Variants in EDC4 observed in about 807,000 individuals in gnomAD.
EDC4 encodes the protein enhancer of mRNA-decapping protein 4.
Under a neutral mutation model 155.8 loss-of-function variants are expected in EDC4, and 64 were observed. That is an observed-to-expected ratio of 0.41 (90% confidence interval 0.34 to 0.51). The LOEUF is 0.51. Among genes scored for constraint, EDC4 ranks in the 20% least tolerant of loss-of-function variants. The pLI is 0.19. For missense variants in EDC4, 1,303 were observed against 1,812.5 expected, an observed-to-expected ratio of 0.72 and a Z score of 5.10; for synonymous variants, 684 against 716.8, an observed-to-expected ratio of 0.95 and a Z score of 0.73.
Position 67,876,930 on chromosome 16 carries a change from C to T in EDC4, c.409C>T (p.Leu137=). 1 of 1,614,246 alleles carries T rather than the reference C, an allele frequency of 6.2e-7. No individual in the cohort carries two copies. The highest frequency in any genetic ancestry group is 1.1e-5 in the South Asian group (1 of 91,092). ...DWEQKYYYGN[L]IAVSNSFLAY... is the part of the protein sequence containing the mutation. The stretch of plus-strand genomic sequence containing the variant: ...GGAACAGAAGTACTACTATGGCAAC[C>T]TGATTGCTGTGTCTAACTCCTTCTT... The change falls in exon 4 of 29, where the codon CTG becomes TTG. Residue 137 remains leucine (L), a synonymous_variant. Transcript: ENST00000358933. This position sits in a 1 kb window ranked among gnomAD's most constrained non-coding sequence, Gnocchi z 5.8.
In EDC4 at chr16:67,883,226, G is replaced by T. The variant is rs1366930383; in HGVS notation, c.3849+49G>T. On this transcript the variant is annotated intron_variant, in intron 27 of 28. Coordinates refer to ENST00000358933, the MANE Select transcript of EDC4 (RefSeq NM_014329.5). This position sits in a 1 kb window ranked among gnomAD's most constrained non-coding sequence, Gnocchi z 5.3. Reference sequence around the variant, plus strand: ...TAAGGGTCACGTGTCTCTTGACAAGGCCCACATACCATACATTCTACTCCA... The same window carrying T: ...TAAGGGTCACGTGTCTCTTGACAAGTCCCACATACCATACATTCTACTCCA... 6.6e-7 allele frequency: 1 copy of T among 1,509,394 alleles called. No homozygotes were observed. The highest frequency in any genetic ancestry group is 2.0e-5 in the Admixed American group (1 of 49,570). The allele number at this position is 1,509,394 out of a possible 1,614,324, so 93.5% of individuals were successfully genotyped here.
chr16:67,878,391 C>T lies in EDC4; in HGVS notation c.1036C>T (p.Arg346Trp), dbSNP rs546531673. 12 of 1,614,184 alleles carry T rather than the reference C, an allele frequency of 7.4e-6. No individual in the cohort carries two copies. Among genetic ancestry groups the T allele is most frequent in the South Asian group, 4.4e-5 (4 of 91,086 alleles). Residue 346 changes from arginine (R) to tryptophan (W), a missense_variant, in exon 9 of 29, where the codon CGG (arginine) becomes TGG (tryptophan). Around this residue, in one of 5 missense-constraint regions of EDC4, gnomAD observed 235 missense variants for 367.7 expected, o/e 0.64. Transcript: ENST00000358933. The surrounding 1 kb of genome is among the most constrained non-coding windows in gnomAD (Gnocchi z 5.2). Reference sequence around the variant, plus strand: ...GCACGAGTGGAAACCTCATGATGGGCGGCCCCTCTCCTGCCTCCTGTTCTG... The same window carrying T: ...GCACGAGTGGAAACCTCATGATGGGTGGCCCCTCTCCTGCCTCCTGTTCTG... ...CLHEWKPHDGRPLSCLLFCDN... is the reference protein window; with the variant it reads ...CLHEWKPHDGWPLSCLLFCDN...
chr16:67,873,079 G>A lies in EDC4; in HGVS notation c.-183G>A. ...CCTCGGCTCGTGGGTGCCGGAAGTG[G>A]AGGCGGTTGGTGGGGTTGGCGGGGC... On this transcript the variant is annotated 5_prime_UTR_variant, in exon 1 of 29. Transcript: ENST00000358933. The A allele has an allele frequency of 4.6e-6, 2 of 438,620 alleles. No homozygotes were observed. The highest frequency in any genetic ancestry group is 5.6e-5 in the South Asian group (1 of 18,002). 27.2% of individuals were successfully genotyped at this position (438,620 alleles called of 1,614,324 possible).
chr16:67,882,192 A>C lies in EDC4; in HGVS notation c.3161-20A>C, dbSNP rs1598178626. 1 of 1,613,256 alleles carries C rather than the reference A, an allele frequency of 6.2e-7. No homozygotes were observed. The highest frequency in any genetic ancestry group is 1.1e-5 in the South Asian group (1 of 90,988). On this transcript the variant is annotated intron_variant, in intron 23 of 28. Transcript: ENST00000358933. This position sits in a 1 kb window ranked among gnomAD's most constrained non-coding sequence, Gnocchi z 7.2. The stretch of plus-strand genomic sequence containing the variant: ...AAGCTTCTTCTCATGGCTCCACCTC[A>C]CCCTCTTCCCCTCTCCCAGGTGTCT...
chr16:67,881,724 G>A lies in EDC4; in HGVS notation c.2883G>A (p.Leu961=). 2 of 1,614,122 alleles carry A rather than the reference G, an allele frequency of 1.2e-6. No homozygotes were observed. The highest frequency in any genetic ancestry group is 1.7e-6 in the Non-Finnish European group (2 of 1,180,008). ...TAATTTGGCAACAGCAGAGAGAGCT[G>A]GCAGAGCTGCGGCACAGCCAGGAAG... ...PALIWQQQRE[L]AELRHSQEEL... The change falls in exon 22 of 29, where the codon CTG becomes CTA. Residue 961 remains leucine (L), a synonymous_variant. Transcript: ENST00000358933. The surrounding 1 kb of genome is among the most constrained non-coding windows in gnomAD (Gnocchi z 5.4).
In EDC4 at chr16:67,884,260, G is replaced by GGCC; in HGVS notation, c.*112_*113insGCC. The GGCC allele has an allele frequency of 9.6e-7, 1 of 1,037,852 alleles. No individual in the cohort carries two copies. The highest frequency in any genetic ancestry group is 1.4e-6 in the Non-Finnish European group (1 of 735,978). 64.3% of individuals were successfully genotyped at this position (1,037,852 alleles called of 1,614,324 possible). A position where few individuals can be genotyped will look rare whatever the true frequency, so the allele number is the denominator to read the frequency against. On this transcript the variant is annotated 3_prime_UTR_variant, in exon 29 of 29. Coordinates refer to ENST00000358933, the MANE Select transcript of EDC4 (RefSeq NM_014329.5). This position sits in a 1 kb window ranked among gnomAD's most constrained non-coding sequence, Gnocchi z 4.1. ...ACCTGCTCAGGCCCCCATCTCTGGG[G>GGCC]TGTTTGGGGGTCAGGGAGCAGGGAG...
Position 67,876,212 on chromosome 16 carries a change from T to C in EDC4, c.239+111T>C. ...CCAGCAGCCTCTGCTGCTTCCTCTC[T>C]AGATGACCTGGGGTGGAGCTTGAGC... On this transcript the variant is annotated intron_variant, in intron 2 of 28. Coordinates refer to ENST00000358933, the MANE Select transcript of EDC4 (RefSeq NM_014329.5). This position sits in a 1 kb window ranked among gnomAD's most constrained non-coding sequence, Gnocchi z 5.8. The C allele has an allele frequency of 7.9e-7, 1 of 1,266,396 alleles. No individual in the cohort carries two copies. Among genetic ancestry groups the C allele is most frequent in the Non-Finnish European group, 1.1e-6 (1 of 896,404 alleles). The allele number at this position is 1,266,396 out of a possible 1,614,324, so 78.4% of individuals were successfully genotyped here.
Position 67,880,490 on chromosome 16 carries a change from C to T in EDC4, c.2098-67C>T, listed in dbSNP as rs1021244261. 15 of 1,565,086 alleles carry T rather than the reference C, an allele frequency of 9.6e-6. No homozygotes were observed. The highest frequency in any genetic ancestry group is 7.0e-5 in the South Asian group (6 of 85,578). ...CTCATTACTGCTAATACTAATGCCT[C>T]GTCTCTGTGCCCCCCATCTCTGCCT... On this transcript the variant is annotated intron_variant, in intron 17 of 28. Coordinates refer to ENST00000358933, the MANE Select transcript of EDC4 (RefSeq NM_014329.5). This position sits in a 1 kb window ranked among gnomAD's most constrained non-coding sequence, Gnocchi z 5.2.
intron 1 of EDC4, among the ~76,000 whole-genome samples, chr16:67,875,116 G>T: frequency 6.6e-6 from 1 of 152,136 alleles, no homozygotes; most frequent in East Asian, 1.9e-4. Flanking sequence ...TGCCACCTGG[G>T]GATTTTGGAA....
rs2058081749 is a variant in EDC4, at chr16:67,883,861, C to T, written c.4014-95C>T. ...TTTCTCCACCAGTCCTTTCTGCCTT[C>T]ACCCAGAGGGTTCCCTCTGGGCCTC... On this transcript the variant is annotated intron_variant, in intron 28 of 28. Transcript: ENST00000358933. This position sits in a 1 kb window ranked among gnomAD's most constrained non-coding sequence, Gnocchi z 5.3. The T allele has an allele frequency of 6.5e-7, 1 of 1,534,608 alleles. No individual in the cohort carries two copies. The highest frequency in any genetic ancestry group is 1.8e-5 in the Admixed American group (1 of 54,474).
In EDC4 at chr16:67,876,086, A is replaced by C. The variant is rs1567389020; in HGVS notation, c.224A>C (p.Gln75Pro). 8.1e-6 allele frequency: 13 copies of C among 1,614,098 alleles called. No individual in the cohort carries two copies. The highest frequency in any genetic ancestry group is 3.3e-5 in the South Asian group (3 of 91,076). Reference protein sequence around the residue: ...GLRTMPPINLQEKQVICLSGD... With the variant: ...GLRTMPPINLPEKQVICLSGD... ...CGGACCATGCCACCCATTAACCTGCAAGAGAAGCAGGTCATGTGAGTACCT... is the reference window on the plus strand; with the variant it reads ...CGGACCATGCCACCCATTAACCTGCCAGAGAAGCAGGTCATGTGAGTACCT... Residue 75 changes from glutamine (Q) to proline (P), a missense_variant, in exon 2 of 29, where the codon CAA becomes CCA. Coordinates refer to ENST00000358933, the MANE Select transcript of EDC4 (RefSeq NM_014329.5). This position sits in a 1 kb window ranked among gnomAD's most constrained non-coding sequence, Gnocchi z 5.8.
In EDC4 at chr16:67,876,411, G is replaced by A. The variant is rs2151304308; in HGVS notation, c.240-77G>A. 1 of 1,564,124 alleles carries A rather than the reference G, an allele frequency of 6.4e-7. No individual in the cohort carries two copies. The highest frequency in any genetic ancestry group is 8.7e-7 in the Non-Finnish European group (1 of 1,152,662). On this transcript the variant is annotated intron_variant, in intron 2 of 28. Transcript: ENST00000358933. This position sits in a 1 kb window ranked among gnomAD's most constrained non-coding sequence, Gnocchi z 5.8. ...TAGATACCTTCCCCAGTCTGGCTATGTCCTCGCTTCCTCCCAACCCTGCCC... is the reference window on the plus strand; with the variant it reads ...TAGATACCTTCCCCAGTCTGGCTATATCCTCGCTTCCTCCCAACCCTGCCC...
Position 67,877,721 on chromosome 16 carries a change from C to T in EDC4, c.790-20C>T, listed in dbSNP as rs1417341128. 1 of 1,614,148 alleles carries T rather than the reference C, an allele frequency of 6.2e-7. No homozygotes were observed. Among genetic ancestry groups the T allele is most frequent in the Non-Finnish European group, 8.5e-7 (1 of 1,180,024 alleles). ...ATAGTGTGGGGTTGGGCTGCACACT[C>T]ACCTCCCTGTGCCTTCCAGGCTGAG... On this transcript the variant is annotated intron_variant, in intron 6 of 28. Coordinates refer to ENST00000358933, the MANE Select transcript of EDC4 (RefSeq NM_014329.5). The surrounding 1 kb of genome is among the most constrained non-coding windows in gnomAD (Gnocchi z 4.9).
rs146270915 is a variant in EDC4 at position 67,879,109 on chromosome 16, C to G, written c.1440C>G (p.Ala480=). ...TACGGCACACTGAGGTGCTGCCTGCCGAAGAGGAAAATGACAGCCTGGGTG... is the reference window on the plus strand; with the variant it reads ...TACGGCACACTGAGGTGCTGCCTGCGGAAGAGGAAAATGACAGCCTGGGTG... ...CRLRHTEVLP[A]EEENDSLGAD... is the part of the protein sequence containing the mutation. The change falls in exon 12 of 29, where the codon GCC becomes GCG. Residue 480 remains alanine, a synonymous_variant. Transcript: ENST00000358933. This position sits in a 1 kb window ranked among gnomAD's most constrained non-coding sequence, Gnocchi z 6.0. The G allele has an allele frequency of 2.5e-6, 4 of 1,613,604 alleles. No homozygotes were observed. The African/African-American group carries it at 5.3e-5, about 22-fold the overall frequency.
Position 67,879,817 on chromosome 16 carries a change from A to G in EDC4, c.1822-33A>G, listed in dbSNP as rs2058057227. 6.2e-7 allele frequency: 1 copy of G among 1,612,982 alleles called. No homozygotes were observed. The highest frequency in any genetic ancestry group is 1.3e-5 in the African/African-American group (1 of 74,886). On this transcript the variant is annotated intron_variant, in intron 15 of 28. Transcript: ENST00000358933. The surrounding 1 kb of genome is among the most constrained non-coding windows in gnomAD (Gnocchi z 6.0). ...GGGGACCTGGGAATGCCTCAGCCAC[A>G]GGCCACAGGTCTTATTTCCTGCATC...
At chr16:67,873,411 AT>A in intron 1 of EDC4, 68 bp downstream of exon 1, 1 of 1,232,570 alleles carries the variant, frequency 8.1e-7, no homozygotes, top group Non-Finnish European at 1.1e-6. Context: ...CTGAACCGCC[AT>A]TGGGGCCCAC....
Position 67,879,153 on chromosome 16 carries a change from G to A in EDC4, c.1468+16G>A. ...CTGGGTGCTGGTGAGCTGCCTCAGGGTCAGAGCTATGTGTCCATATATCTA... is the reference window on the plus strand; with the variant it reads ...CTGGGTGCTGGTGAGCTGCCTCAGGATCAGAGCTATGTGTCCATATATCTA... On this transcript the variant is annotated intron_variant, in intron 12 of 28. Coordinates refer to ENST00000358933, the MANE Select transcript of EDC4 (RefSeq NM_014329.5). The surrounding 1 kb of genome is among the most constrained non-coding windows in gnomAD (Gnocchi z 6.0). 1 of 1,613,934 alleles carries A rather than the reference G, an allele frequency of 6.2e-7. No homozygotes were observed. The highest frequency in any genetic ancestry group is 1.1e-5 in the South Asian group (1 of 91,086).
Position 67,880,439 on chromosome 16 carries a change from A to G in EDC4, c.2098-118A>G, listed in dbSNP as rs1334738841. 7.0e-7 allele frequency: 1 copy of G among 1,430,812 alleles called. No homozygotes were observed. Among genetic ancestry groups the G allele is most frequent in the African/African-American group, 1.4e-5 (1 of 70,758 alleles). 88.6% of individuals were successfully genotyped at this position (1,430,812 alleles called of 1,614,324 possible). ...GGCTGTGGCCTCGTTTTTGACCTGT[A>G]TCCCCACTTCCCTGCTGCCCTGTCT... On this transcript the variant is annotated intron_variant, in intron 17 of 28. Coordinates refer to ENST00000358933, the MANE Select transcript of EDC4 (RefSeq NM_014329.5). The surrounding 1 kb of genome is among the most constrained non-coding windows in gnomAD (Gnocchi z 5.2).
chr16:67,880,406 C>T lies in EDC4; in HGVS notation c.2098-151C>T, dbSNP rs1424544657. On this transcript the variant is annotated intron_variant, in intron 17 of 28. Transcript: ENST00000358933. This position sits in a 1 kb window ranked among gnomAD's most constrained non-coding sequence, Gnocchi z 5.2. ...TCCTCAGCCTCCCTGTCCCCACCTC[C>T]TCTTCTTGGCTGTGGCCTCGTTTTT... 1 of 1,347,940 alleles carries T rather than the reference C, an allele frequency of 7.4e-7. No homozygotes were observed. Among genetic ancestry groups the T allele is most frequent in the African/African-American group, 1.5e-5 (1 of 68,542 alleles). 83.5% of individuals were successfully genotyped at this position (1,347,940 alleles called of 1,614,324 possible). A position where few individuals can be genotyped will look rare whatever the true frequency, so the allele number is the denominator to read the frequency against.
Sources: allele counts gnomAD v4.1 joint callset (sites outside exome capture counted in the v4.1 genomes callset), GRCh38; gene constraint gnomAD v4.1.1; regional missense constraint gnomAD v4.1.1; non-coding constraint Gnocchi (gnomAD v3.1); transcripts MANE v1.5; gene names NCBI Gene and HGNC (gene_info 2026-07-23, HGNC 2026-07-21).